Variants in TENM2 observed in about 807,000 individuals in gnomAD.
TENM2 encodes teneurin transmembrane protein 2.
In TENM2, 52 loss-of-function variants were observed where a neutral mutation model predicts 245.2. The observed-to-expected ratio is 0.21, with a 90% CI of 0.17 to 0.27. TENM2 has a LOEUF of 0.27. Ranked by LOEUF, TENM2 falls within the 10% of genes least tolerant of loss-of-function variation. TENM2 has a pLI of 1.00. For missense variants in TENM2, 3,046 were observed against 3,666.8 expected, an observed-to-expected ratio of 0.83 and a Z score of 4.37; for synonymous variants, 1,363 against 1,438.9, an observed-to-expected ratio of 0.95 and a Z score of 1.19.
intron 12 of TENM2, among the ~76,000 whole-genome samples, chr5:168,135,100 C>T (rs544568273): frequency 2.8e-4 from 42 of 152,330 alleles, no homozygotes; most frequent in African/African-American, 9.4e-4. Context: ...TCAAGTACCA[C>T]GCATGCCTTC....
intron 2 of TENM2, among the ~76,000 whole-genome samples, chr5:167,569,333 A>G (rs771592857): frequency 2.0e-5 from 3 of 152,106 alleles, no homozygotes; most frequent in Non-Finnish European, 4.4e-5. Context: ...TAAGCAAGCT[A>G]CTTTGTTTAC....
At chr5:168,103,724 G>A (rs976284764) in intron 9 of TENM2, among the ~76,000 whole-genome samples, 1 of 152,198 alleles carries the variant, frequency 6.6e-6, no homozygotes, top group Non-Finnish European at 1.5e-5. Context: ...GTGTGAGTGT[G>A]TGTGCCTTTG....
At chr5:167,018,466 G>T in the TENM2 span, among the ~76,000 whole-genome samples, 19 of 151,438 alleles carry the variant, frequency 1.3e-4, no homozygotes, top group Non-Finnish European at 8.8e-5. Flanking sequence ...CTGAGTCACT[G>T]ACTGAAGAAA....
chr5:167,841,055 ATCC>A (rs1237980294), intron 2 of TENM2, among the ~76,000 whole-genome samples: 2 of 117,602 alleles, frequency 1.7e-5, no homozygotes, highest in African/African-American at 5.7e-5. Flanking sequence ...AAAAATTGTC[ATCC>A]TCATTTTTTT....
At chr5:167,086,947 A>G in the TENM2 span, among the ~76,000 whole-genome samples, 2 of 151,730 alleles carry the variant, frequency 1.3e-5, no homozygotes, top group Non-Finnish European at 2.9e-5. Context: ...ACACACACAC[A>G]CACACACACA....
At chr5:167,458,353 G>A (rs1024690483) in intron 2 of TENM2, among the ~76,000 whole-genome samples, 5 of 145,280 alleles carry the variant, frequency 3.4e-5, no homozygotes, top group African/African-American at 1.2e-4. Context: ...TGGGTGTGGT[G>A]GCACGTGCCT....
chr5:167,833,869 C>T (rs1005792850), intron 2 of TENM2, among the ~76,000 whole-genome samples: 9 of 152,208 alleles, frequency 5.9e-5, no homozygotes, highest in Non-Finnish European at 1.2e-4. Flanking sequence ...CTTATGACCT[C>T]ATTGCTCTCA....
chr5:168,174,854 G>A (rs1042872440), intron 13 of TENM2, among the ~76,000 whole-genome samples: 1 of 152,154 alleles, frequency 6.6e-6, no homozygotes, highest in African/African-American at 2.4e-5. Context: ...AACTTCCCGG[G>A]ATCCATCCTC....
chr5:167,157,717 T>TA, the TENM2 span, among the ~76,000 whole-genome samples: 93 of 152,312 alleles, frequency 6.1e-4, 1 homozygote, highest in African/African-American at 2.2e-3. Context: ...AATAAAGGAT[T>TA]AAAAATTAAG....
At chr5:167,323,293 T>C (rs931082082) in intron 1 of TENM2, among the ~76,000 whole-genome samples, 9 of 152,210 alleles carry the variant, frequency 5.9e-5, no homozygotes, top group African/African-American at 2.2e-4. Context: ...GCTAAATGGA[T>C]AGTAGGCGGC....
chr5:167,511,199 G>A (rs1402084978), intron 2 of TENM2, among the ~76,000 whole-genome samples: 2 of 152,126 alleles, frequency 1.3e-5, no homozygotes, highest in Non-Finnish European at 2.9e-5. Context: ...GATAAAACAT[G>A]CACAAAGACG....
intron 1 of TENM2, among the ~76,000 whole-genome samples, chr5:167,366,032 G>A (rs2127281968): frequency 6.6e-6 from 1 of 152,002 alleles, no homozygotes; most frequent in Admixed American, 6.5e-5. Context: ...CATAAGGGTA[G>A]AAATTGATAA....
At chr5:167,144,560 G>T in the TENM2 span, among the ~76,000 whole-genome samples, 1 of 151,464 alleles carries the variant, frequency 6.6e-6, no homozygotes, top group South Asian at 2.1e-4. Context: ...GTCACGTTTT[G>T]CCCAACACTT....
chr5:167,714,955 C>A (rs1375861305), intron 2 of TENM2, among the ~76,000 whole-genome samples: 1 of 152,124 alleles, frequency 6.6e-6, no homozygotes, highest in African/African-American at 2.4e-5. Context: ...AAACCTTCTA[C>A]CCATTTCTTT....
intron 2 of TENM2, among the ~76,000 whole-genome samples, chr5:167,853,015 G>A (rs920138439): frequency 2.7e-5 from 4 of 148,046 alleles, no homozygotes; most frequent in South Asian, 2.2e-4. Context: ...TGCCAGGCGC[G>A]GTGGCTCACT....
chr5:167,053,028 A>G, the TENM2 span, among the ~76,000 whole-genome samples: 1 of 152,144 alleles, frequency 6.6e-6, no homozygotes, highest in African/African-American at 2.4e-5. Context: ...CATCCCAGCT[A>G]AACTCCAATC....
At chr5:167,207,498 G>A in the TENM2 span, among the ~76,000 whole-genome samples, 9 of 152,164 alleles carry the variant, frequency 5.9e-5, no homozygotes, top group African/African-American at 1.9e-4. Flanking sequence ...AAAATGCTGT[G>A]TGGACCATAT....
intron 2 of TENM2, among the ~76,000 whole-genome samples, chr5:167,702,088 G>T (rs542153404): frequency 9.9e-5 from 15 of 152,242 alleles, no homozygotes; most frequent in African/African-American, 3.6e-4. Flanking sequence ...CCTTTGAAAA[G>T]ATCTGGAAAA....
the TENM2 span, among the ~76,000 whole-genome samples, chr5:167,107,921 T>A: frequency 6.6e-6 from 1 of 152,182 alleles, no homozygotes; most frequent in Non-Finnish European, 1.5e-5. Context: ...CAACCTTGTC[T>A]TTGATGTAAA....
Sources: gnomAD v4.1 joint callset for allele counts (sites outside exome capture counted in the v4.1 genomes callset) on GRCh38, gnomAD v4.1.1 for gene constraint, MANE v1.5 for transcripts, NCBI Gene and HGNC (gene_info 2026-07-23, HGNC 2026-07-21) for gene names.